PIGS: variants seen among roughly 807,000 people sequenced by gnomAD.
PIGS encodes phosphatidylinositol glycan anchor biosynthesis class S.
In PIGS, 37 loss-of-function variants were observed where a neutral mutation model predicts 58.2. The observed-to-expected ratio is 0.64, with a 90% CI of 0.49 to 0.84. PIGS has a LOEUF of 0.84. PIGS is among the 40% of genes least tolerant of loss of function. PIGS has a pLI of 0.00. For synonymous variants in PIGS, 269 were observed against 289.2 expected, an observed-to-expected ratio of 0.93 and a Z score of 0.71; for missense variants, 629 against 710.8, an observed-to-expected ratio of 0.88 and a Z score of 1.31.
At chr17:28,564,518 A>G (rs2070383747) in intron 3 of PIGS, among the ~76,000 whole-genome samples, 2 of 152,212 alleles carry the variant, frequency 1.3e-5, no homozygotes, top group African/African-American at 4.8e-5. Context: ...GTTTGAGACC[A>G]GCCTGGCCAA....
rs2070302997 is a variant in PIGS at position 28,553,529 on chromosome 17, G to A, written c.*691C>T. Reference sequence around the variant, plus strand: ...CCATTTGAACAAATGAAAAACTGAGGCTCAGAGAGATTCAATACCTTATCC... The same window carrying A: ...CCATTTGAACAAATGAAAAACTGAGACTCAGAGAGATTCAATACCTTATCC... On this transcript the variant is annotated 3_prime_UTR_variant, in exon 12 of 12. Transcript: ENST00000308360. 2.0e-5 allele frequency: 3 copies of A among 152,792 alleles called. No individual in the cohort carries two copies. The highest frequency in any genetic ancestry group is 1.3e-4 in the Admixed American group (2 of 15,266). The allele number at this position is 152,792 out of a possible 1,614,324, so 9.5% of individuals were successfully genotyped here.
chr17:28,570,257 T>G (rs2070418913), intron 3 of PIGS, among the ~76,000 whole-genome samples: 1 of 152,258 alleles, frequency 6.6e-6, no homozygotes, highest in Non-Finnish European at 1.5e-5. Context: ...ACGCCTGTAA[T>G]CCCAACACTT....
chr17:28,560,181 G>A lies in PIGS; in HGVS notation c.687C>T (p.Ile229=). Residue 229 remains isoleucine (I), a synonymous_variant, in exon 7 of 12, where the codon ATC becomes ATT. Coordinates refer to ENST00000308360, the MANE Select transcript of PIGS (RefSeq NM_033198.4). ...GGTCTGGGTTGAGTAAACTGAAGGT[G>A]ATCTCATAGCCTACAGAAACAGGAG... ...RPLKSSLGYE[I]TFSLLNPDPK... is the part of the protein sequence containing the mutation. 1 of 1,611,528 alleles carries A rather than the reference G, an allele frequency of 6.2e-7. No individual in the cohort carries two copies. The highest frequency in any genetic ancestry group is 8.5e-7 in the Non-Finnish European group (1 of 1,179,044).
intron 7 of PIGS, 146 bp from the exon 8 acceptor site, chr17:28,558,736 GAAGAA>G (rs1474483146): frequency 1.6e-6 from 1 of 639,274 alleles, no homozygotes; most frequent in African/African-American, 1.9e-5. Flanking sequence ...AATAATTGCA[GAAGAA>G]AATAGCAAAG....
chr17:28,556,773 CACCT>C, intron 9 of PIGS, 50 bp downstream of exon 9: 1 of 1,574,930 alleles, frequency 6.3e-7, no homozygotes, highest in Non-Finnish European at 8.6e-7. Context: ...GTTTCAGGGA[CACCT>C]GCCTGTCCCA....
chr17:28,563,305 A>AT (rs940149115), intron 5 of PIGS, 126 bp downstream of exon 5: 322 of 766,564 alleles, frequency 4.2e-4, no homozygotes, highest in Non-Finnish European at 5.1e-4. Context: ...AAAAAAAAAA[A>AT]TTTTTTTTTG....
In PIGS at chr17:28,556,926, G is replaced by A. The variant is rs779067837; in HGVS notation, c.981C>T (p.Tyr327=). ...GCGGTGAGTGTGCAAGCTCAGGCAC[G>A]TAGAGTAGAAAGTTGAGCACAGGGT... ...SLYPVLNFLL[Y]VPELAHSPLY... is the part of the protein sequence containing the mutation. Residue 327 remains tyrosine, a synonymous_variant, in exon 9 of 12, where the codon TAC becomes TAT. Transcript: ENST00000308360. The A allele has an allele frequency of 3.8e-5, 62 of 1,614,018 alleles. No individual in the cohort carries two copies. In the Admixed American group the frequency reaches 8.8e-4, roughly 23 times the overall value.
At chr17:28,564,010 T>C (rs2070380910) in intron 3 of PIGS, 103 bp from the exon 4 acceptor site, 1 of 992,262 alleles carries the variant, frequency 1.0e-6, no homozygotes, top group Non-Finnish European at 1.5e-6. Context: ...GCAAGATGGC[T>C]GTTTACAGAA....
rs575464231 is a variant in PIGS, at chr17:28,561,246, G to A, written c.676+176C>T. Among the ~76,000 whole-genome samples, 54 of 152,064 alleles carry A rather than the reference G, an allele frequency of 3.6e-4. No homozygotes were observed. The South Asian group carries it at 0.011, about 32-fold the overall frequency. On this transcript the variant is annotated intron_variant, in intron 6 of 11. Transcript: ENST00000308360. ...GCACTCAGCCCAGGCAACAGAGTGA[G>A]ACTCCGTCTCAAAATAAATAACTAA...
chr17:28,563,854 G>T lies in PIGS; in HGVS notation c.340C>A (p.His114Asn), dbSNP rs1432545958. 1 of 1,614,122 alleles carries T rather than the reference G, an allele frequency of 6.2e-7. No individual in the cohort carries two copies. The highest frequency in any genetic ancestry group is 8.5e-7 in the Non-Finnish European group (1 of 1,179,992). ...CCCGATGACAGGGCCTCCTCCTCAT[G>T]GTCCAAAGCCCTCCGATAGGCCTTC... Reference protein sequence around the residue: ...FQKAYRRALDHEEEALSSGSV... With the variant: ...FQKAYRRALDNEEEALSSGSV... Residue 114 changes from histidine to asparagine, a missense_variant, in exon 4 of 12, where the codon CAT (histidine) becomes AAT (asparagine). His to Asn is a moderately conservative substitution (Grantham distance 68). Coordinates refer to ENST00000308360, the MANE Select transcript of PIGS (RefSeq NM_033198.4).
Position 28,561,721 on chromosome 17 carries a change from G to A in PIGS, c.469-92C>T. ...CCTACTGTTCCGAATCTGCCCCTTT[G>A]CCAATGACCAACAGGTTTGCACCTC... On this transcript the variant is annotated intron_variant, in intron 5 of 11. Coordinates refer to ENST00000308360, the MANE Select transcript of PIGS (RefSeq NM_033198.4). The A allele has an allele frequency of 4.6e-6, 6 of 1,290,542 alleles. 1 individual carries two copies. The highest frequency in any genetic ancestry group is 4.2e-5 in the South Asian group (3 of 70,714). 79.9% of individuals were successfully genotyped at this position (1,290,542 alleles called of 1,614,324 possible).
Position 28,571,072 on chromosome 17 carries a change from T to G in PIGS, c.151A>C (p.Ile51Leu), listed in dbSNP as rs1249337838. 6.2e-7 allele frequency: 1 copy of G among 1,613,970 alleles called. No homozygotes were observed. Among genetic ancestry groups the G allele is most frequent in the Non-Finnish European group, 8.5e-7 (1 of 1,180,034 alleles). The change falls in exon 2 of 12, where the codon ATC becomes CTC. Residue 51 changes from isoleucine (I) to leucine (L), a missense_variant. Coordinates refer to ENST00000308360, the MANE Select transcript of PIGS (RefSeq NM_033198.4). ...ACCTGAAGGGCATTCAGGCCACTGA[T>G]CTGGGAGTAAGGCAACGAGGCCCGG... ...TYRASLPYSQISGLNALQLRL... is the reference protein window; with the variant it reads ...TYRASLPYSQLSGLNALQLRL...
intron 1 of PIGS, 111 bp from the exon 2 acceptor site, chr17:28,571,299 G>T: frequency 6.6e-7 from 1 of 1,522,406 alleles, no homozygotes; most frequent in Non-Finnish European, 8.9e-7. Context: ...CGTTCATTGG[G>T]ATCTCCGTGC....
chr17:28,557,218 C>A, intron 8 of PIGS: 1 of 487,540 alleles, frequency 2.1e-6, no homozygotes, highest in South Asian at 2.5e-5. Context: ...TCAAAGGCCC[C>A]TTGACTGTCT....
intron 6 of PIGS, 47 bp downstream of exon 6, chr17:28,561,375 T>G: frequency 6.3e-7 from 1 of 1,594,198 alleles, no homozygotes; most frequent in Non-Finnish European, 8.6e-7. Context: ...TCCTGCCCCA[T>G]GTAATTCATT....
chr17:28,559,411 G>A (rs2070349409), intron 7 of PIGS, among the ~76,000 whole-genome samples: 1 of 150,506 alleles, frequency 6.6e-6, no homozygotes. Flanking sequence ...AAGGCAGGTG[G>A]ATCACGAGGT....
intron 11 of PIGS, 24 bp downstream of exon 11, chr17:28,554,827 A>C (rs1231663357): frequency 6.2e-7 from 1 of 1,613,428 alleles, no homozygotes. Flanking sequence ...CCCAAGCTGC[A>C]GAATCCATCC....
chr17:28,564,059 C>T (rs1221389366), intron 3 of PIGS, 152 bp from the exon 4 acceptor site: 17 of 651,768 alleles, frequency 2.6e-5, no homozygotes, highest in Non-Finnish European at 3.7e-5. Context: ...ATGATTTCTG[C>T]ATAGATGATA....
intron 8 of PIGS, 163 bp from the exon 9 acceptor site, chr17:28,557,135 A>G (rs145255574): frequency 2.8e-6 from 2 of 720,770 alleles, no homozygotes; most frequent in African/African-American, 1.8e-5. Context: ...GGGCTTCAGA[A>G]TGTTCTCCCG....
Sources: allele counts gnomAD v4.1 joint callset (sites outside exome capture counted in the v4.1 genomes callset), GRCh38; gene constraint gnomAD v4.1.1; transcripts MANE v1.5; gene names NCBI Gene and HGNC (gene_info 2026-07-23, HGNC 2026-07-21).